MYO10: variants seen among roughly 807,000 people sequenced by gnomAD.
MYO10 encodes the protein myosin X, also known as unconventional myosin-X.
A neutral mutation model predicts 257.3 loss-of-function variants in MYO10; 133 were observed. That is an observed-to-expected ratio of 0.52 (90% confidence interval 0.45 to 0.60). The LOEUF is 0.60. Among genes scored for constraint, MYO10 ranks in the 20% least tolerant of loss-of-function variants. The pLI is 0.00. For synonymous variants in MYO10, 1,104 were observed against 1,028.6 expected, an observed-to-expected ratio of 1.07 and a Z score of -1.40; for missense variants, 2,399 against 2,635.7, an observed-to-expected ratio of 0.91 and a Z score of 1.97.
intron 2 of MYO10, among the ~76,000 whole-genome samples, chr5:16,839,549 C>G (rs954458361): frequency 1.3e-4 from 20 of 152,104 alleles, no homozygotes; most frequent in Admixed American, 1.2e-3. Flanking sequence ...TCGAGACCAG[C>G]CTGGGCAACA....
intron 1 of MYO10, among the ~76,000 whole-genome samples, chr5:16,905,345 C>T (rs572034736): frequency 6.6e-6 from 1 of 152,282 alleles, no homozygotes; most frequent in South Asian, 2.1e-4. Flanking sequence ...CCCTCACCGA[C>T]CTTGAGCCCT....
chr5:16,787,609 TAAAAAAAAAAAAA>T (rs70940401), intron 4 of MYO10, among the ~76,000 whole-genome samples: 8 of 124,970 alleles, frequency 6.4e-5, no homozygotes, highest in African/African-American at 2.1e-4. Context: ...TGTTTTGCTT[TAAAAAAAAAAAAA>T]AAAAAAAAAA....
At chr5:16,887,569 A>C (rs2625167) in intron 1 of MYO10, among the ~76,000 whole-genome samples, 72,443 of 151,946 alleles carry the variant, frequency 0.48, 17,688 homozygotes, top group African/African-American at 0.57. Context: ...CGGCTTACTG[A>C]AATCTCTGCC....
chr5:16,679,524 G>GTTGTTTTTTTTTTTTTTTTTTTTTTTT (rs1736885309), intron 33 of MYO10, among the ~76,000 whole-genome samples: 1 of 122,672 alleles, frequency 8.2e-6, no homozygotes, highest in African/African-American at 3.2e-5. Context: ...TTTTTTGGGT[G>GTTGTTTTTTTTTTTTTTTTTTTTTTTT]TTTTTTTTTT....
chr5:16,728,444 A>G lies in MYO10; in HGVS notation c.1930-17199T>C, dbSNP rs965360520. On this transcript the variant is annotated intron_variant, in intron 19 of 40. Transcript: ENST00000513610. ...CCTCCAGCTCTTTGGGAAGATAGAA[A>G]GCAGAACTGCCTTTTGCTGCAAAAA... is the stretch of plus-strand genomic sequence containing the variant. Among the ~76,000 whole-genome samples, 62 of 152,120 alleles carry G rather than the reference A, an allele frequency of 4.1e-4. 1 individual carries two copies. The highest frequency in any genetic ancestry group is 4.1e-3 in the Admixed American group (62 of 15,262).
chr5:16,806,092 C>A (rs148230253), intron 3 of MYO10, among the ~76,000 whole-genome samples: 1,883 of 152,152 alleles, frequency 0.012, 17 homozygotes, highest in Middle Eastern at 0.017. Context: ...CGCCTATAAT[C>A]CCAGCACTTT....
rs1560994088 is a variant in MYO10, at chr5:16,805,476, A to AAAAAG, written c.280-10648_280-10644dup. Among the ~76,000 whole-genome samples, 12 of 146,820 alleles carry AAAAAG rather than the reference A, an allele frequency of 8.2e-5. 1 individual carries two copies. Among genetic ancestry groups the AAAAAG allele is most frequent in the African/African-American group, 2.7e-4 (11 of 40,408 alleles). On this transcript the variant is annotated intron_variant, in intron 3 of 40. Coordinates refer to ENST00000513610, the MANE Select transcript of MYO10 (RefSeq NM_012334.3). Reference sequence around the variant, plus strand: ...TCCATCTCAAAAAAAAAAAAAAAAAAAAAAGAAAAGAAAAAAAAGAAATCC... The same window carrying AAAAAG: ...TCCATCTCAAAAAAAAAAAAAAAAAAAAAAGAAAAGAAAAGAAAAAAAAGAAATCC...
Position 16,769,081 on chromosome 5 carries a change from G to A in MYO10, c.1053C>T (p.Phe351=), listed in dbSNP as rs757217606. The part of the protein sequence containing the change: ...FITAGGAQVS[F]KTALGRSAEL... ...AGGCAGGCATAATCTTACCTGTTTTGAAGGAAACCTGTGCCCCACCAGCAG... is the reference window on the plus strand; with the variant it reads ...AGGCAGGCATAATCTTACCTGTTTTAAAGGAAACCTGTGCCCCACCAGCAG... Residue 351 remains phenylalanine, a synonymous_variant, in exon 10 of 41, where the codon TTC becomes TTT. Transcript: ENST00000513610. 1 of 1,609,896 alleles carries A rather than the reference G, an allele frequency of 6.2e-7. No individual in the cohort carries two copies. Among genetic ancestry groups the A allele is most frequent in the Non-Finnish European group, 8.5e-7 (1 of 1,178,608 alleles).
At chr5:16,676,626 T>C (rs930253869) in intron 33 of MYO10, among the ~76,000 whole-genome samples, 1 of 152,090 alleles carries the variant, frequency 6.6e-6, no homozygotes, top group Non-Finnish European at 1.5e-5. Flanking sequence ...TGAGGCAGGA[T>C]AATTGCTTGA....
rs373144092 is a variant in MYO10, at chr5:16,758,086, C to A, written c.1848+32G>T. The A allele has an allele frequency of 1.5e-5, 22 of 1,462,048 alleles. 2 individuals carry two copies. In the South Asian group the frequency reaches 2.5e-4, roughly 17 times the overall value. The allele number at this position is 1,462,048 out of a possible 1,614,324, so 90.6% of individuals were successfully genotyped here. A position where few individuals can be genotyped will look rare whatever the true frequency, so the allele number is the denominator to read the frequency against. On this transcript the variant is annotated intron_variant, in intron 18 of 40. Coordinates refer to ENST00000513610, the MANE Select transcript of MYO10 (RefSeq NM_012334.3). ...TCAGTTCTTAAAAATACAGTAACGA[C>A]GGATTCCTCTAAGCCAGCAGTGAAA...
At chr5:16,930,393 C>A (rs1443464144) in intron 1 of MYO10, among the ~76,000 whole-genome samples, 1 of 152,090 alleles carries the variant, frequency 6.6e-6, no homozygotes, top group Non-Finnish European at 1.5e-5. Flanking sequence ...CCTTGAAAAC[C>A]AGACTGAGGA....
At chr5:16,914,132 C>A (rs1342312763) in intron 1 of MYO10, among the ~76,000 whole-genome samples, 1 of 152,190 alleles carries the variant, frequency 6.6e-6, no homozygotes, top group African/African-American at 2.4e-5. Context: ...CATGGTACTG[C>A]AAGCTGGGCC....
At chr5:16,805,561 T>G (rs1742252455) in intron 3 of MYO10, among the ~76,000 whole-genome samples, 1 of 151,690 alleles carries the variant, frequency 6.6e-6, no homozygotes, top group Admixed American at 6.6e-5. Context: ...TATGAAAAGA[T>G]ATTGTTACCG....
At chr5:16,842,820 G>A (rs1247601705) in intron 2 of MYO10, among the ~76,000 whole-genome samples, 1 of 151,506 alleles carries the variant, frequency 6.6e-6, no homozygotes, top group East Asian at 1.9e-4. Context: ...GCTTGAGCCT[G>A]GAGTTTGAGG....
At chr5:16,820,421 C>T (rs565434816) in intron 2 of MYO10, among the ~76,000 whole-genome samples, 14 of 152,288 alleles carry the variant, frequency 9.2e-5, no homozygotes, top group African/African-American at 2.2e-4. Context: ...GGTCAACTCT[C>T]GGCCAACCAA....
At chr5:16,685,712 C>G in intron 29 of MYO10, 26 bp downstream of exon 29, 1 of 1,544,458 alleles carries the variant, frequency 6.5e-7, no homozygotes. Context: ...GACGCCCCAC[C>G]CCCATCCCAC....
intron 2 of MYO10, among the ~76,000 whole-genome samples, chr5:16,837,178 CAG>C (rs1447976322): frequency 1.3e-5 from 2 of 152,024 alleles, no homozygotes; most frequent in Non-Finnish European, 2.9e-5. Flanking sequence ...GGCGTGGTGG[CAG>C]AGGCCTGTAA....
At chr5:16,866,420 C>A (rs1282433433) in intron 2 of MYO10, among the ~76,000 whole-genome samples, 1 of 152,148 alleles carries the variant, frequency 6.6e-6, no homozygotes. Context: ...CTAAAAGATA[C>A]CACATTAAAA....
chr5:16,746,506 G>A (rs1430869804), intron 19 of MYO10, among the ~76,000 whole-genome samples: 1 of 152,198 alleles, frequency 6.6e-6, no homozygotes, highest in Non-Finnish European at 1.5e-5. Context: ...GTGCCTGGAT[G>A]TGAGTGAATT....
Sources: allele counts gnomAD v4.1 joint callset (sites outside exome capture counted in the v4.1 genomes callset), GRCh38; gene constraint gnomAD v4.1.1; transcripts MANE v1.5; gene names NCBI Gene and HGNC (gene_info 2026-07-23, HGNC 2026-07-21).